Variants in HYCC1 observed in about 807,000 individuals in gnomAD.
HYCC1 encodes the protein hyccin.
At chr7:22,982,522 G>A in the HYCC1 span, among the ~76,000 whole-genome samples, 2 of 152,150 alleles carry the variant, frequency 1.3e-5, no homozygotes, top group Non-Finnish European at 2.9e-5. Context: ...CTGGACTCCA[G>A]GATATGTTAC....
chr7:22,907,468 A>G, the HYCC1 span, among the ~76,000 whole-genome samples: 1 of 152,204 alleles, frequency 6.6e-6, no homozygotes, highest in African/African-American at 2.4e-5. Context: ...ACAACTATTC[A>G]AACACCATTT....
chr7:22,898,279 T>C, the HYCC1 span, among the ~76,000 whole-genome samples: 1 of 152,086 alleles, frequency 6.6e-6, no homozygotes, highest in Non-Finnish European at 1.5e-5. Flanking sequence ...AGTGGCGCGA[T>C]CTCGGCTCAC....
the HYCC1 span, among the ~76,000 whole-genome samples, chr7:22,956,894 T>C: frequency 6.6e-6 from 1 of 151,954 alleles, no homozygotes; most frequent in Non-Finnish European, 1.5e-5. Flanking sequence ...ATGCGTATTC[T>C]GAAATGTGTA....
chr7:22,919,744 A>G, the HYCC1 span, among the ~76,000 whole-genome samples: 1 of 152,170 alleles, frequency 6.6e-6, no homozygotes, highest in Admixed American at 6.5e-5. Context: ...GACAGAGATT[A>G]GACAATCAGA....
the HYCC1 span, among the ~76,000 whole-genome samples, chr7:22,909,329 G>A: frequency 2.0e-5 from 3 of 152,046 alleles, no homozygotes; most frequent in Non-Finnish European, 1.5e-5. Flanking sequence ...CTCCCCCTTT[G>A]CCTTCCACCA....
At chr7:22,993,562 AC>A in the HYCC1 span, among the ~76,000 whole-genome samples, 1 of 152,178 alleles carries the variant, frequency 6.6e-6, no homozygotes, top group Admixed American at 6.6e-5. Flanking sequence ...AAAAAGGTAG[AC>A]AATCCTATAG....
the HYCC1 span, among the ~76,000 whole-genome samples, chr7:22,994,642 T>A: frequency 6.6e-6 from 1 of 152,134 alleles, no homozygotes; most frequent in Non-Finnish European, 1.5e-5. Flanking sequence ...ACATGGACAC[T>A]CACTTGTTTA....
chr7:22,903,014 T>G, the HYCC1 span, among the ~76,000 whole-genome samples: 1 of 152,066 alleles, frequency 6.6e-6, no homozygotes, highest in Non-Finnish European at 1.5e-5. Flanking sequence ...AAAACCACAG[T>G]AAGATACCAC....
the HYCC1 span, among the ~76,000 whole-genome samples, chr7:22,967,917 G>C: frequency 6.6e-6 from 1 of 152,098 alleles, no homozygotes; most frequent in Non-Finnish European, 1.5e-5. Flanking sequence ...TATCAATTTT[G>C]TCTGCCATGC....
chr7:22,968,353 G>A, the HYCC1 span, among the ~76,000 whole-genome samples: 1 of 152,128 alleles, frequency 6.6e-6, no homozygotes, highest in African/African-American at 2.4e-5. Flanking sequence ...TGTAATAGTA[G>A]TGATCTGAGA....
chr7:22,980,924 C>T, the HYCC1 span, among the ~76,000 whole-genome samples: 2 of 152,182 alleles, frequency 1.3e-5, no homozygotes, highest in African/African-American at 4.8e-5. Context: ...CCCATATAAA[C>T]TGCCTCTTTA....
At chr7:22,996,471 T>C in the HYCC1 span, among the ~76,000 whole-genome samples, 8 of 151,568 alleles carry the variant, frequency 5.3e-5, no homozygotes, top group African/African-American at 1.9e-4. Context: ...GGGTATACTG[T>C]GTGATGGTGA....
the HYCC1 span, chr7:22,976,641 TTTC>T: frequency 9.0e-7 from 1 of 1,111,196 alleles, no homozygotes; most frequent in Non-Finnish European, 1.4e-6. Flanking sequence ...CTGAAATAAT[TTTC>T]TTAAAAAATT....
chr7:22,918,494 AC>A, the HYCC1 span, among the ~76,000 whole-genome samples: 11 of 151,774 alleles, frequency 7.2e-5, no homozygotes, highest in Admixed American at 1.3e-4. Flanking sequence ...AATTTTTGCC[AC>A]CCCAACACTT....
At chr7:22,960,029 T>C in the HYCC1 span, among the ~76,000 whole-genome samples, 32 of 152,222 alleles carry the variant, frequency 2.1e-4, no homozygotes, top group African/African-American at 7.7e-4. Context: ...CAATTTCAAA[T>C]TGAATATGAT....
the HYCC1 span, among the ~76,000 whole-genome samples, chr7:22,923,341 C>G: frequency 6.6e-6 from 1 of 152,118 alleles, no homozygotes; most frequent in Non-Finnish European, 1.5e-5. Context: ...CAAGTAAATT[C>G]AGACTTTTAG....
At chr7:23,008,900 G>A in the HYCC1 span, among the ~76,000 whole-genome samples, 1 of 151,892 alleles carries the variant, frequency 6.6e-6, no homozygotes, top group Non-Finnish European at 1.5e-5. Context: ...AGGAAACAGA[G>A]GTGAATAGTC....
At chr7:22,994,041 C>T in the HYCC1 span, among the ~76,000 whole-genome samples, 4 of 152,072 alleles carry the variant, frequency 2.6e-5, no homozygotes, top group Non-Finnish European at 4.4e-5. Context: ...AGTGTAATGG[C>T]GCTACCACAG....
the HYCC1 span, chr7:22,984,112 C>T: frequency 2.2e-6 from 2 of 929,132 alleles, no homozygotes; most frequent in Non-Finnish European, 3.4e-6. Context: ...TCCATAGATG[C>T]AGAAAGTAAA....
Sources: allele counts gnomAD v4.1 joint callset (sites outside exome capture counted in the v4.1 genomes callset), GRCh38; gene constraint gnomAD v4.1.1; transcripts MANE v1.5; gene names NCBI Gene and HGNC (gene_info 2026-07-23, HGNC 2026-07-21).